Variants in SH3BP5 observed in about 807,000 individuals in gnomAD.
SH3BP5 encodes the protein SH3 domain-binding protein 5.
In SH3BP5, 22 loss-of-function variants were observed where a neutral mutation model predicts 43.3. The observed-to-expected ratio is 0.51, with a 90% confidence interval of 0.36 to 0.73. The LOEUF is 0.73. SH3BP5 is among the 30% of genes least tolerant of loss of function. SH3BP5 has a pLI of 0.00. For missense variants in SH3BP5, 529 were observed against 586.9 expected (o/e 0.90, Z 1.02); for synonymous variants, 255 against 225.8 (o/e 1.13, Z -1.16).
chr3:15,257,048 G>C lies in SH3BP5; in HGVS notation c.955C>G (p.Gln319Glu), dbSNP rs764093758. 6.2e-7 allele frequency: 1 copy of C among 1,614,120 alleles called. No homozygotes were observed. Among genetic ancestry groups the C allele is most frequent in the African/African-American group, 1.3e-5 (1 of 75,060 alleles). Residue 319 changes from glutamine to glutamate, a missense_variant, in exon 8 of 9, where the codon CAG becomes GAG. This residue lies in a region of SH3BP5 where 369 missense variants were observed against 384.3 expected (regional missense o/e 0.96). Transcript: ENST00000383791. ...CCTGAACTAAAGCTGGACACGGACTGGGTTTCCGAGTCATCTTCAGACACA... is the reference window on the plus strand; with the variant it reads ...CCTGAACTAAAGCTGGACACGGACTCGGTTTCCGAGTCATCTTCAGACACA... ...NFVSEDDSET[Q>E]SVSSFSSGPT...
chr3:15,283,353 C>A (rs1697179947), intron 3 of SH3BP5, among the ~76,000 whole-genome samples: 1 of 152,190 alleles, frequency 6.6e-6, no homozygotes, highest in Admixed American at 6.5e-5. Flanking sequence ...GCCGAGATTG[C>A]ACCACTGCAC....
chr3:15,332,452 C>T lies in SH3BP5; in HGVS notation c.-44G>A, dbSNP rs1245111514. ...CGCCGCGCAGTGGGCTCCGGAGCGCCCCGGGGGTCGCGGCTGCCACAGGCT... is the reference window on the plus strand; with the variant it reads ...CGCCGCGCAGTGGGCTCCGGAGCGCTCCGGGGGTCGCGGCTGCCACAGGCT... On this transcript the variant is annotated 5_prime_UTR_variant, in exon 1 of 9. Coordinates refer to ENST00000383791, the MANE Select transcript of SH3BP5 (RefSeq NM_004844.5). The T allele has an allele frequency of 4.1e-6, 6 of 1,474,286 alleles. 1 individual carries two copies. The South Asian group carries it at 5.3e-5, about 13-fold the overall frequency. The allele number at this position is 1,474,286 out of a possible 1,614,324, so 91.3% of individuals were successfully genotyped here.
At chr3:15,306,994 C>T (rs11921410) in intron 2 of SH3BP5, among the ~76,000 whole-genome samples, 21,747 of 152,058 alleles carry the variant, frequency 0.14, 1,502 homozygotes, top group Middle Eastern at 0.18. Flanking sequence ...TCTAAACATG[C>T]AATTGCAGGG....
intron 7 of SH3BP5, chr3:15,257,584 G>C (rs538413982): frequency 6.5e-6 from 1 of 155,006 alleles, no homozygotes; most frequent in South Asian, 2.0e-4. Context: ...TGGAACATCT[G>C]TTGGGACCTT....
chr3:15,266,027 C>T (rs978146461), intron 4 of SH3BP5, among the ~76,000 whole-genome samples: 1 of 152,228 alleles, frequency 6.6e-6, no homozygotes, highest in African/African-American at 2.4e-5. Flanking sequence ...GCTCCTCAGC[C>T]TCCTGTTACA....
At position 15,256,183 on chromosome 3, in the gene SH3BP5, C is replaced by T; in HGVS notation, c.1271G>A (p.Gly424Asp). The T allele has an allele frequency of 1.2e-6, 2 of 1,614,186 alleles. No individual in the cohort carries two copies. The highest frequency in any genetic ancestry group is 2.2e-5 in the South Asian group (2 of 91,082). Residue 424 changes from glycine to aspartate, a missense_variant, in exon 9 of 9, where the codon GGC (glycine) becomes GAC (aspartate). This residue lies in a region of SH3BP5 where 369 missense variants were observed against 384.3 expected (regional missense o/e 0.96). Coordinates refer to ENST00000383791, the MANE Select transcript of SH3BP5 (RefSeq NM_004844.5). ...CTTCATCCGGTTCTCCAAGGCCTGG[C>T]CCTCAGGGGAGGTGCTGCTTTGGCT... ...SKSQSSTSPEGQALENRMKQL... is the reference protein window; with the variant it reads ...SKSQSSTSPEDQALENRMKQL...
chr3:15,325,721 T>C (rs77568077), intron 2 of SH3BP5, among the ~76,000 whole-genome samples: 21,994 of 152,168 alleles, frequency 0.14, 1,860 homozygotes, highest in East Asian at 0.33. Context: ...AATAAATACT[T>C]AGTGAATTAA....
intron 1 of SH3BP5, among the ~76,000 whole-genome samples, chr3:15,338,008 C>T (rs1698722628): frequency 6.6e-6 from 1 of 151,374 alleles, no homozygotes; most frequent in East Asian, 1.9e-4. Context: ...ATTTCAATGC[C>T]ATTTAAATTA....
intron 4 of SH3BP5, 31 bp downstream of exon 4, chr3:15,269,682 C>A: frequency 6.5e-7 from 1 of 1,531,002 alleles, no homozygotes; most frequent in Non-Finnish European, 8.8e-7. Context: ...CACGCGCACA[C>A]CCCCACAGCA....
At chr3:15,298,372 CA>C (rs1392621359) in intron 3 of SH3BP5, among the ~76,000 whole-genome samples, 1 of 152,194 alleles carries the variant, frequency 6.6e-6, no homozygotes, top group Non-Finnish European at 1.5e-5. Context: ...CTACAAGTTT[CA>C]AATGTTTTCC....
intron 2 of SH3BP5, 153 bp from the exon 3 acceptor site, chr3:15,304,384 C>T: frequency 8.5e-7 from 1 of 1,180,458 alleles, no homozygotes. Flanking sequence ...TAGAGCAGCA[C>T]CGCCCAAAAC....
chr3:15,294,331 G>GTGCA (rs1491090241), intron 3 of SH3BP5, among the ~76,000 whole-genome samples: 1 of 73,226 alleles, frequency 1.4e-5, no homozygotes, highest in Non-Finnish European at 2.7e-5. Flanking sequence ...GTGTGTGTGT[G>GTGCA]CGCGCGCATG....
chr3:15,329,104 C>T (rs1057375153), intron 2 of SH3BP5, among the ~76,000 whole-genome samples: 40 of 151,974 alleles, frequency 2.6e-4, no homozygotes, highest in African/African-American at 9.7e-4. Flanking sequence ...GAGCAGACAT[C>T]ACACCACTGC....
At chr3:15,287,189 G>C (rs1017657525) in intron 3 of SH3BP5, among the ~76,000 whole-genome samples, 4 of 152,286 alleles carry the variant, frequency 2.6e-5, no homozygotes, top group Non-Finnish European at 4.4e-5. Flanking sequence ...AAGCAGTACA[G>C]AGTGTCAGCT....
chr3:15,281,484 C>T lies in SH3BP5; in HGVS notation c.331-11607G>A, dbSNP rs114042169. The stretch of plus-strand genomic sequence containing the variant: ...TTCCCTTGGCAGAGCTCTGATCTCC[C>T]GACTCCTACCTCTCTCCTTCCTCTC... On this transcript the variant is annotated intron_variant, in intron 3 of 8. Coordinates refer to ENST00000383791, the MANE Select transcript of SH3BP5 (RefSeq NM_004844.5). Among the ~76,000 whole-genome samples, 1,027 of 152,196 alleles carry T rather than the reference C, an allele frequency of 6.7e-3. 11 individuals carry two copies. The highest frequency in any genetic ancestry group is 0.024 in the African/African-American group (985 of 41,526).
intron 2 of SH3BP5, among the ~76,000 whole-genome samples, chr3:15,320,714 C>A (rs1360552260): frequency 6.6e-6 from 1 of 151,362 alleles, no homozygotes; most frequent in East Asian, 1.9e-4. Flanking sequence ...AGGCTACAGT[C>A]CACAGGGACC....
chr3:15,262,049 A>G, intron 5 of SH3BP5, 110 bp downstream of exon 5: 1 of 1,282,386 alleles, frequency 7.8e-7, no homozygotes, highest in South Asian at 1.4e-5. Flanking sequence ...CCCAGGGTCT[A>G]CATCAAAGGA....
chr3:15,256,273 G>C lies in SH3BP5; in HGVS notation c.1181C>G (p.Thr394Arg), dbSNP rs777456775. The C allele has an allele frequency of 6.8e-6, 11 of 1,614,064 alleles. No homozygotes were observed. The African/African-American group carries it at 1.3e-4, about 20-fold the overall frequency. Reference sequence around the variant, plus strand: ...CCGGTTGTTGTTGGCTTTGTCACTTGTTTTATTCTCTGCCCCTTCTGCCCT... The same window carrying C: ...CCGGTTGTTGTTGGCTTTGTCACTTCTTTTATTCTCTGCCCCTTCTGCCCT... Reference protein sequence around the residue: ...GDRAEGAENKTSDKANNNRGL... With the variant: ...GDRAEGAENKRSDKANNNRGL... The change falls in exon 9 of 9, where the codon ACA becomes AGA. Residue 394 changes from threonine (T) to arginine (R), a missense_variant. Physicochemically the swap from Thr to Arg is moderately conservative, Grantham distance 71 (BLOSUM62 -1). Coordinates refer to ENST00000383791, the MANE Select transcript of SH3BP5 (RefSeq NM_004844.5).
intron 2 of SH3BP5, among the ~76,000 whole-genome samples, chr3:15,328,622 C>T (rs1698524995): frequency 6.6e-6 from 1 of 152,112 alleles, no homozygotes; most frequent in African/African-American, 2.4e-5. Flanking sequence ...CACCTGTAGT[C>T]TCAGCTACTG....
Sources: gnomAD v4.1 joint callset for allele counts (sites outside exome capture counted in the v4.1 genomes callset) on GRCh38, gnomAD v4.1.1 for gene constraint, gnomAD v4.1.1 regional missense constraint, MANE v1.5 for transcripts, NCBI Gene and HGNC (gene_info 2026-07-23, HGNC 2026-07-21) for gene names.